Variants in RBFOX1 observed in about 807,000 individuals in gnomAD.
RBFOX1 encodes the protein RNA binding fox-1 homolog 1.
In RBFOX1, 8 loss-of-function variants were observed where a neutral mutation model predicts 57.7. The ratio of observed to expected loss-of-function variants is 0.14; its 90% CI spans 0.08 to 0.25. RBFOX1 has a LOEUF of 0.25. Among genes scored for constraint, RBFOX1 ranks in the 10% least tolerant of loss-of-function variants. The pLI is 1.00. For missense variants in RBFOX1, 611 were observed against 548.5 expected, an observed-to-expected ratio of 1.11 and a Z score of -1.14; for synonymous variants, 326 against 222.4, an observed-to-expected ratio of 1.47 and a Z score of -4.15.
intron 3 of RBFOX1, among the ~76,000 whole-genome samples, chr16:6,806,837 T>TATATATATATATA (rs1491107829): frequency 0.018 from 1,194 of 67,950 alleles, 3 homozygotes; most frequent in East Asian, 0.058. Context: ...TATATATATA[T>TATATATATATATA]TTTTTTTTTT....
At position 6,926,886 on chromosome 16, in the gene RBFOX1, A is replaced by G. The variant is rs918490388; in HGVS notation, c.-15-125171A>G. Among the ~76,000 whole-genome samples, 5 of 152,058 alleles carry G rather than the reference A, an allele frequency of 3.3e-5. No homozygotes were observed. In the East Asian group the frequency reaches 5.8e-4, roughly 18 times the overall value. ...TTTATTTTTCACTTAGAACCTGCGC[A>G]TTGTCCTAGCAGGTACTCCCTCAGG... On this transcript the variant is annotated intron_variant, in intron 3 of 15. Transcript: ENST00000550418.
chr16:7,682,233 G>C (rs191348011), intron 14 of RBFOX1, among the ~76,000 whole-genome samples: 27 of 152,242 alleles, frequency 1.8e-4, no homozygotes, highest in African/African-American at 5.5e-4. Flanking sequence ...GCTAGACTCT[G>C]TATCATTTTA....
intron 3 of RBFOX1, among the ~76,000 whole-genome samples, chr16:6,921,046 G>A (rs2074341585): frequency 2.0e-5 from 3 of 152,152 alleles, no homozygotes; most frequent in Admixed American, 2.0e-4. Flanking sequence ...GAAGCCCACA[G>A]ACTATGGGGC....
chr16:5,712,909 C>G (rs9925167), intron 3 of RBFOX1, among the ~76,000 whole-genome samples: 5,397 of 152,238 alleles, frequency 0.035, 335 homozygotes, highest in African/African-American at 0.12. Context: ...ATTGACTAGT[C>G]ATGTTTTTCC....
rs990614591 is a variant in RBFOX1, at chr16:7,218,662, G to C, written c.27+166564G>C. Among the ~76,000 whole-genome samples the C allele has an allele frequency of 4.9e-3, 748 of 151,366 alleles. 4 individuals carry two copies. Among genetic ancestry groups the C allele is most frequent in the Non-Finnish European group, 7.5e-3 (510 of 67,748 alleles). On this transcript the variant is annotated intron_variant, in intron 4 of 15. Coordinates refer to ENST00000550418, the MANE Select transcript of RBFOX1 (RefSeq NM_018723.4). Reference sequence around the variant, plus strand: ...TGTGTGTGTGTGTGTGTGTGTGTGTGTGTGTGTGTGTGTGTGTGTCCTTTT... The same window carrying C: ...TGTGTGTGTGTGTGTGTGTGTGTGTCTGTGTGTGTGTGTGTGTGTCCTTTT...
rs187701625 is a variant in RBFOX1, at chr16:5,275,772, C to G, written c.219+35667C>G. ...GAACCAATCTAGAGGCATCACATTA[C>G]CCAACTTCAAACTATATTACAAGGC... is the stretch of plus-strand genomic sequence containing the variant. On this transcript the variant is annotated intron_variant, in intron 1 of 2. Transcript: ENST00000585867. Among the ~76,000 whole-genome samples, 367 of 152,308 alleles carry G rather than the reference C, an allele frequency of 2.4e-3. 2 individuals are homozygous for G. Among genetic ancestry groups the G allele is most frequent in the African/African-American group, 8.4e-3 (349 of 41,556 alleles).
intron 3 of RBFOX1, among the ~76,000 whole-genome samples, chr16:6,968,352 CT>C (rs1267884653): frequency 1.3e-5 from 2 of 152,170 alleles, no homozygotes; most frequent in East Asian, 3.8e-4. Context: ...TCTTTTCCTT[CT>C]TTTTTCTTCA....
chr16:7,360,602 A>C (rs958731219), intron 4 of RBFOX1, among the ~76,000 whole-genome samples: 9 of 152,194 alleles, frequency 5.9e-5, no homozygotes, highest in Admixed American at 3.3e-4. Flanking sequence ...CGTTTCCTGT[A>C]GGCCACAACA....
intron 4 of RBFOX1, among the ~76,000 whole-genome samples, chr16:5,977,440 G>C (rs570275649): frequency 2.0e-5 from 3 of 152,328 alleles, no homozygotes; most frequent in African/African-American, 7.2e-5. Context: ...GGAAACCTGT[G>C]TGTGCGGTGC....
chr16:7,451,387 T>C (rs1286902054), intron 4 of RBFOX1, among the ~76,000 whole-genome samples: 1 of 152,154 alleles, frequency 6.6e-6, no homozygotes, highest in Non-Finnish European at 1.5e-5. Context: ...AGCAGTGAAA[T>C]CCAAGTATTT....
chr16:5,584,051 C>T (rs940519924), intron 2 of RBFOX1, among the ~76,000 whole-genome samples: 4 of 152,118 alleles, frequency 2.6e-5, no homozygotes, highest in African/African-American at 4.8e-5. Flanking sequence ...TCCAAGTATC[C>T]CATTTCTGCA....
intron 11 of RBFOX1, among the ~76,000 whole-genome samples, chr16:7,648,063 T>A (rs2064115085): frequency 6.6e-6 from 1 of 152,146 alleles, no homozygotes; most frequent in African/African-American, 2.4e-5. Context: ...AATAAAAGCA[T>A]CCATTCTTCC....
At chr16:6,795,341 G>A (rs1181083416) in intron 3 of RBFOX1, among the ~76,000 whole-genome samples, 1 of 152,054 alleles carries the variant, frequency 6.6e-6, no homozygotes, top group East Asian at 1.9e-4. Flanking sequence ...GGCTGCTGAT[G>A]TGCTATTGCA....
chr16:5,479,583 A>C (rs2069450799), intron 2 of RBFOX1, among the ~76,000 whole-genome samples: 1 of 151,768 alleles, frequency 6.6e-6, no homozygotes, highest in Non-Finnish European at 1.5e-5. Context: ...ACATGGTAAA[A>C]CCCCGTCTCT....
chr16:7,230,055 GGAGAGAGAGGAAGGA>G (rs2093409077), intron 4 of RBFOX1, among the ~76,000 whole-genome samples: 1 of 72,928 alleles, frequency 1.4e-5, no homozygotes, highest in Non-Finnish European at 3.3e-5. Flanking sequence ...AGGAAGGAAA[GGAGAGAGAGGAAGGA>G]AGGGAGGGAG....
chr16:6,158,510 T>C (rs912897272), intron 1 of RBFOX1, among the ~76,000 whole-genome samples: 1 of 152,242 alleles, frequency 6.6e-6, no homozygotes, highest in African/African-American at 2.4e-5. Context: ...GGAGTACTTA[T>C]ACATGATTGC....
At chr16:5,641,687 C>T (rs1369404763) in intron 3 of RBFOX1, among the ~76,000 whole-genome samples, 1 of 152,176 alleles carries the variant, frequency 6.6e-6, no homozygotes, top group Non-Finnish European at 1.5e-5. Context: ...AGGGCAAAGG[C>T]CTGGAGGCGG....
chr16:5,319,532 G>T (rs2064341977), intron 1 of RBFOX1, among the ~76,000 whole-genome samples: 1 of 152,180 alleles, frequency 6.6e-6, no homozygotes, highest in Non-Finnish European at 1.5e-5. Flanking sequence ...CCTTTACTGA[G>T]CGCCAATGTC....
At chr16:7,294,408 T>C (rs2095851257) in intron 4 of RBFOX1, among the ~76,000 whole-genome samples, 1 of 151,998 alleles carries the variant, frequency 6.6e-6, no homozygotes, top group Non-Finnish European at 1.5e-5. Context: ...TAATTTGGGG[T>C]TCTACCTGGT....
Sources: gnomAD v4.1 joint callset for allele counts (sites outside exome capture counted in the v4.1 genomes callset) on GRCh38, gnomAD v4.1.1 for gene constraint, MANE v1.5 for transcripts, NCBI Gene and HGNC (gene_info 2026-07-23, HGNC 2026-07-21) for gene names.